Variants in POLD3 observed in about 807,000 individuals in gnomAD.
POLD3 encodes the protein DNA polymerase delta 3, accessory subunit, also known as DNA polymerase delta subunit 3.
A neutral mutation model predicts 58.2 loss-of-function variants in POLD3; 19 were observed. That is an observed-to-expected ratio of 0.33 (90% CI 0.23 to 0.48). POLD3 has a LOEUF of 0.48. POLD3 is among the 20% of genes least tolerant of loss of function. The pLI is 0.99. For synonymous variants in POLD3, 172 were observed against 193.5 expected, an observed-to-expected ratio of 0.89 and a Z score of 0.92; for missense variants, 504 against 545.5, an observed-to-expected ratio of 0.92 and a Z score of 0.76.
At chr11:74,619,305 TAAGAA>T (rs2032177898) in intron 6 of POLD3, among the ~76,000 whole-genome samples, 2 of 152,210 alleles carry the variant, frequency 1.3e-5, no homozygotes, top group South Asian at 4.1e-4. Flanking sequence ...GGCATTGACT[TAAGAA>T]AAGTATCATT....
In POLD3 at chr11:74,611,491, T is replaced by A. The variant is rs764198161; in HGVS notation, c.220-8T>A. On this transcript the variant is annotated splice_region_variant and splice_polypyrimidine_tract_variant and intron_variant, in intron 3 of 11. Coordinates refer to ENST00000263681, the MANE Select transcript of POLD3 (RefSeq NM_006591.3). ...ATTAAGCACTAATAAAGTGTTATTT[T>A]CTTACAGTGCCACAAGGTTGCAGTA... 7 of 1,534,578 alleles carry A rather than the reference T, an allele frequency of 4.6e-6. No individual in the cohort carries two copies. The highest frequency in any genetic ancestry group is 5.4e-6 in the Non-Finnish European group (6 of 1,118,370).
Position 74,641,100 on chromosome 11 carries a change from C to G in POLD3, c.*334C>G. On this transcript the variant is annotated 3_prime_UTR_variant, in exon 12 of 12. Coordinates refer to ENST00000263681, the MANE Select transcript of POLD3 (RefSeq NM_006591.3). The stretch of plus-strand genomic sequence containing the variant: ...GGCTAACCCACTGTGCTCCACTCAC[C>G]CTATGCCCTGGTCCGCATATGGCAC... The G allele has an allele frequency of 9.8e-7, 1 of 1,017,174 alleles. No homozygotes were observed. Among genetic ancestry groups the G allele is most frequent in the Non-Finnish European group, 1.2e-6 (1 of 851,316 alleles). The allele number at this position is 1,017,174 out of a possible 1,614,324, so 63.0% of individuals were successfully genotyped here.
intron 5 of POLD3, among the ~76,000 whole-genome samples, chr11:74,617,527 G>A (rs1454270971): frequency 6.6e-6 from 1 of 152,130 alleles, no homozygotes; most frequent in Non-Finnish European, 1.5e-5. Flanking sequence ...TCAGCCTCCT[G>A]AGTAGCTGGG....
At chr11:74,613,842 TAGG>T (rs979098556) in intron 5 of POLD3, among the ~76,000 whole-genome samples, 5 of 152,264 alleles carry the variant, frequency 3.3e-5, no homozygotes, top group African/African-American at 9.6e-5. Context: ...AGTACTGTAA[TAGG>T]AGGAATATTG....
intron 2 of POLD3, among the ~76,000 whole-genome samples, chr11:74,596,286 C>A (rs2031252913): frequency 6.6e-6 from 1 of 151,278 alleles, no homozygotes; most frequent in Non-Finnish European, 1.5e-5. Context: ...CTGGTTCAAG[C>A]TATTCTACTG....
downstream of POLD3, among the ~76,000 whole-genome samples, chr11:74,643,698 G>A (rs1457091739): frequency 6.6e-6 from 1 of 152,288 alleles, no homozygotes; most frequent in East Asian, 1.9e-4. Context: ...TGAAGTTGGG[G>A]CCTTGCTAAG....
intron 8 of POLD3, among the ~76,000 whole-genome samples, chr11:74,627,490 G>A (rs59830047): frequency 0.4 from 60,488 of 151,826 alleles, 13,671 homozygotes; most frequent in Non-Finnish European, 0.51. Flanking sequence ...AATAAATTTA[G>A]TGTTGCCTGA....
At chr11:74,635,904 A>T (rs1307353017) in intron 10 of POLD3, among the ~76,000 whole-genome samples, 1 of 152,152 alleles carries the variant, frequency 6.6e-6, no homozygotes, top group East Asian at 1.9e-4. Context: ...CTTTTTAACC[A>T]TGCTGCCTGC....
At chr11:74,593,745 A>G (rs952055408) in intron 1 of POLD3, among the ~76,000 whole-genome samples, 1 of 152,172 alleles carries the variant, frequency 6.6e-6, no homozygotes, top group Non-Finnish European at 1.5e-5. Flanking sequence ...GTGGCCCCCA[A>G]AAAAAACATC....
intron 7 of POLD3, among the ~76,000 whole-genome samples, chr11:74,620,489 C>T (rs1300544505): frequency 1.3e-5 from 2 of 152,118 alleles, no homozygotes; most frequent in Non-Finnish European, 2.9e-5. Context: ...TTCTATCTCT[C>T]AAGGGTCCAC....
At chr11:74,665,358 G>A (rs1266382198) in intron 4 of POLD3, among the ~76,000 whole-genome samples, 2 of 147,092 alleles carry the variant, frequency 1.4e-5, no homozygotes, top group African/African-American at 5.0e-5. Context: ...AGAGCCAGAA[G>A]GAGCATTTGA....
At chr11:74,633,163 T>C (rs1023107667) in intron 9 of POLD3, among the ~76,000 whole-genome samples, 2 of 152,168 alleles carry the variant, frequency 1.3e-5, no homozygotes, top group Non-Finnish European at 2.9e-5. Flanking sequence ...GGCTTCCTCA[T>C]TGCCTAAATT....
rs182647235 is a variant in POLD3, at chr11:74,617,679, C to T, written c.393-858C>T. ...CCTCCCAAAGTGCTGGGATTACAGGCGTGAGCCACTGCACCTGGCCTCTTC... is the reference window on the plus strand; with the variant it reads ...CCTCCCAAAGTGCTGGGATTACAGGTGTGAGCCACTGCACCTGGCCTCTTC... On this transcript the variant is annotated intron_variant, in intron 5 of 11. Transcript: ENST00000263681. Among the ~76,000 whole-genome samples the T allele has an allele frequency of 3.3e-3, 501 of 152,252 alleles. 1 individual carries two copies. Among genetic ancestry groups the T allele is most frequent in the South Asian group, 8.3e-3 (40 of 4,824 alleles).
intron 9 of POLD3, 37 bp downstream of exon 9, chr11:74,629,360 A>ATTTTACT (rs1427447963): frequency 1.7e-6 from 2 of 1,173,580 alleles, no homozygotes; most frequent in South Asian, 2.6e-5. Context: ...AGGGGGATCA[A>ATTTTACT]TTTTACTTTC....
chr11:74,634,665 A>G lies in POLD3; in HGVS notation c.1089A>G (p.Pro363=). 2 of 1,611,522 alleles carry G rather than the reference A, an allele frequency of 1.2e-6. No individual in the cohort carries two copies. The highest frequency in any genetic ancestry group is 1.7e-6 in the Non-Finnish European group (2 of 1,177,650). Residue 363 remains proline, a synonymous_variant, in exon 10 of 12, where the codon CCA becomes CCG. Transcript: ENST00000263681. ...PPPSPPLEPV[P]KTEPEPPSVK... ...CGTCTCCACCTCTTGAACCAGTGCC[A>G]AAGACTGAGCCTGAACCTCCTTCTG...
At chr11:74,603,169 G>A (rs558723264) in intron 2 of POLD3, among the ~76,000 whole-genome samples, 1 of 152,210 alleles carries the variant, frequency 6.6e-6, no homozygotes, top group East Asian at 1.9e-4. Context: ...GTAACCACTT[G>A]GTAAAGTTTT....
intron 11 of POLD3, among the ~76,000 whole-genome samples, 179 bp downstream of exon 11, chr11:74,636,454 C>A (rs1354390984): frequency 6.6e-6 from 1 of 152,180 alleles, no homozygotes; most frequent in Non-Finnish European, 1.5e-5. Flanking sequence ...TAAGTCAGAA[C>A]ACCTAGGTTC....
At chr11:74,655,488 T>C (rs897071032) in intron 4 of POLD3, among the ~76,000 whole-genome samples, 1 of 152,134 alleles carries the variant, frequency 6.6e-6, no homozygotes, top group Non-Finnish European at 1.5e-5. Flanking sequence ...TAACACATAA[T>C]GGGGGGAAAT....
rs541243376 is a variant in POLD3, at chr11:74,641,723, A to C, written c.*957A>C. 13 of 985,266 alleles carry C rather than the reference A, an allele frequency of 1.3e-5. No homozygotes were observed. In the East Asian group the frequency reaches 1.5e-3, roughly 112 times the overall value. 61.0% of individuals were successfully genotyped at this position (985,266 alleles called of 1,614,324 possible). ...CCTTAAGAAAACAGAATATTCAAAAACAGCACTTTTCCAGGAAGTTAGTGA... is the reference window on the plus strand; with the variant it reads ...CCTTAAGAAAACAGAATATTCAAAACCAGCACTTTTCCAGGAAGTTAGTGA... On this transcript the variant is annotated 3_prime_UTR_variant, in exon 12 of 12. Coordinates refer to ENST00000263681, the MANE Select transcript of POLD3 (RefSeq NM_006591.3).
Sources: gnomAD v4.1 joint callset for allele counts (sites outside exome capture counted in the v4.1 genomes callset) on GRCh38, gnomAD v4.1.1 for gene constraint, MANE v1.5 for transcripts, NCBI Gene and HGNC (gene_info 2026-07-23, HGNC 2026-07-21) for gene names.